LDLRAD3: variants seen among roughly 807,000 people sequenced by gnomAD.
LDLRAD3 encodes the protein low density lipoprotein receptor class A domain containing 3.
Under a neutral mutation model 29.4 loss-of-function variants are expected in LDLRAD3, and 20 were observed. The ratio of observed to expected loss-of-function variants is 0.68; its 90% CI spans 0.48 to 0.99. The LOEUF (loss-of-function observed/expected upper bound fraction) is 0.99, where lower values mean the gene tolerates loss of function less well. Ranked by LOEUF, LDLRAD3 falls within the 50% of genes least tolerant of loss-of-function variation. LDLRAD3 has a pLI of 0.00. For missense variants in LDLRAD3, 420 were observed against 454.3 expected, an observed-to-expected ratio of 0.92 and a Z score of 0.69; for synonymous variants, 157 against 192.7, an observed-to-expected ratio of 0.81 and a Z score of 1.53.
intron 1 of LDLRAD3, among the ~76,000 whole-genome samples, chr11:35,947,907 C>T (rs929003240): frequency 1.6e-4 from 25 of 152,318 alleles, no homozygotes; most frequent in African/African-American, 5.8e-4. Context: ...TTTGTGGTCA[C>T]TGCCCAGGAT....
chr11:36,044,636 C>T (rs946553387), intron 2 of LDLRAD3, among the ~76,000 whole-genome samples: 10 of 152,252 alleles, frequency 6.6e-5, no homozygotes, highest in Non-Finnish European at 1.0e-4. Context: ...GTCTTGGACA[C>T]ACATTCATGA....
intron 1 of LDLRAD3, among the ~76,000 whole-genome samples, chr11:35,991,179 C>T (rs1362768476): frequency 6.6e-6 from 1 of 152,186 alleles, no homozygotes; most frequent in Non-Finnish European, 1.5e-5. Flanking sequence ...TAAGAGCCCC[C>T]ATGCATCTCA....
At chr11:36,199,634 A>G (rs1855093194) in intron 4 of LDLRAD3, among the ~76,000 whole-genome samples, 1 of 152,086 alleles carries the variant, frequency 6.6e-6, no homozygotes, top group South Asian at 2.1e-4. Flanking sequence ...TTCCAGGTGG[A>G]TTGACAGCCG....
rs539140690 is a variant in LDLRAD3 at position 36,069,252 on chromosome 11, G to T, written c.194-12401G>T. On this transcript the variant is annotated intron_variant, in intron 2 of 5. Transcript: ENST00000315571. Reference sequence around the variant, plus strand: ...GGGACCACAATAAAGGAGCTCCCCCGTTTAGCCCCCAGATTTCCTGGAGAA... The same window carrying T: ...GGGACCACAATAAAGGAGCTCCCCCTTTTAGCCCCCAGATTTCCTGGAGAA... 3.9e-5 allele frequency among the ~76,000 whole-genome samples: 6 copies of T among 152,246 alleles called. No individual in the cohort carries two copies. In the South Asian group the frequency reaches 1.2e-3, roughly 32 times the overall value.
rs185145877 is a variant in LDLRAD3 at position 36,191,500 on chromosome 11, G to A, written c.455-35585G>A. Among the ~76,000 whole-genome samples the A allele has an allele frequency of 4.7e-3, 697 of 148,572 alleles. 11 individuals are homozygous for A. The highest frequency in any genetic ancestry group is 0.016 in the African/African-American group (660 of 40,148). On this transcript the variant is annotated intron_variant, in intron 4 of 5. Coordinates refer to ENST00000315571, the MANE Select transcript of LDLRAD3 (RefSeq NM_174902.4). ...TGAGGCTGTGGTGAGCTATGAGCGC[G>A]CCACTGCACTCTAGCCTGGGTGACA...
intron 4 of LDLRAD3, among the ~76,000 whole-genome samples, chr11:36,134,014 C>T (rs1038085003): frequency 3.3e-5 from 5 of 152,026 alleles, no homozygotes; most frequent in African/African-American, 1.2e-4. Context: ...CATACACACA[C>T]ATGCATGCAT....
At chr11:35,992,427 A>G (rs1851702314) in intron 1 of LDLRAD3, among the ~76,000 whole-genome samples, 1 of 152,228 alleles carries the variant, frequency 6.6e-6, no homozygotes, top group Non-Finnish European at 1.5e-5. Flanking sequence ...TAATAGCCTG[A>G]AAGTGGCAAC....
chr11:36,062,465 A>G (rs961670908), intron 2 of LDLRAD3, among the ~76,000 whole-genome samples: 4 of 152,164 alleles, frequency 2.6e-5, no homozygotes, highest in South Asian at 2.1e-4. Flanking sequence ...GCCAAGGAAG[A>G]AGCCTTTAAT....
Position 36,074,760 on chromosome 11 carries a change from G to A in LDLRAD3, c.194-6893G>A, listed in dbSNP as rs545700812. ...GAACCAGACTGGCTGATCAAGGACCGTGTGTCAGAAGCTTGAACCTGTCTG... is the reference window on the plus strand; with the variant it reads ...GAACCAGACTGGCTGATCAAGGACCATGTGTCAGAAGCTTGAACCTGTCTG... On this transcript the variant is annotated intron_variant, in intron 2 of 5. Coordinates refer to ENST00000315571, the MANE Select transcript of LDLRAD3 (RefSeq NM_174902.4). 5.3e-5 allele frequency among the ~76,000 whole-genome samples: 8 copies of A among 152,262 alleles called. No homozygotes were observed. The East Asian group carries it at 7.7e-4, about 15-fold the overall frequency.
chr11:36,085,679 A>G (rs556150269), intron 3 of LDLRAD3, among the ~76,000 whole-genome samples: 1 of 152,104 alleles, frequency 6.6e-6, no homozygotes, highest in Admixed American at 6.5e-5. Flanking sequence ...TGGTGCGATC[A>G]TGGCTCACTG....
intron 1 of LDLRAD3, among the ~76,000 whole-genome samples, chr11:35,998,591 A>G (rs1247550368): frequency 6.6e-6 from 1 of 152,214 alleles, no homozygotes; most frequent in African/African-American, 2.4e-5. Flanking sequence ...AGTATCCTGG[A>G]TTCACTTGGA....
At chr11:36,073,487 G>A (rs1852941912) in intron 2 of LDLRAD3, among the ~76,000 whole-genome samples, 1 of 152,258 alleles carries the variant, frequency 6.6e-6, no homozygotes, top group Non-Finnish European at 1.5e-5. Context: ...TAGGGGGTGA[G>A]AGAGGGACAG....
At chr11:36,123,689 G>A (rs1853793310) in intron 4 of LDLRAD3, among the ~76,000 whole-genome samples, 1 of 152,252 alleles carries the variant, frequency 6.6e-6, no homozygotes, top group African/African-American at 2.4e-5. Flanking sequence ...GGGGGAGTAG[G>A]CCCTAGCCAC....
chr11:36,027,289 C>A (rs144817097), intron 1 of LDLRAD3, among the ~76,000 whole-genome samples: 1 of 152,166 alleles, frequency 6.6e-6, no homozygotes, highest in African/African-American at 2.4e-5. Context: ...GTTTCCTCAT[C>A]GGTGAAAGTA....
chr11:36,134,463 G>A (rs141062415), intron 4 of LDLRAD3, among the ~76,000 whole-genome samples: 1 of 152,320 alleles, frequency 6.6e-6, no homozygotes, highest in African/African-American at 2.4e-5. Flanking sequence ...TGCAGCATTT[G>A]CATGTCTGAA....
rs1321261516 is a variant in LDLRAD3 at position 36,143,943 on chromosome 11, C to T, written c.454+45482C>T. ...CTCTCCCCCTCCCCCTCCCCCTCCC[C>T]CTCCCTCTCTTGCCACGGTCTCCCT... On this transcript the variant is annotated intron_variant, in intron 4 of 5. Coordinates refer to ENST00000315571, the MANE Select transcript of LDLRAD3 (RefSeq NM_174902.4). 2.7e-3 allele frequency among the ~76,000 whole-genome samples: 343 copies of T among 126,136 alleles called. 2 individuals are homozygous for T. The highest frequency in any genetic ancestry group is 0.011 in the African/African-American group (320 of 30,118). The allele number at this position is 126,136 out of a possible 152,430, so 82.8% of individuals were successfully genotyped here.
At chr11:36,110,059 A>T (rs1853585280) in intron 4 of LDLRAD3, 1 of 152,248 alleles carries the variant, frequency 6.6e-6, no homozygotes, top group African/African-American at 2.4e-5. Flanking sequence ...AAACTGAAGG[A>T]GGCTGGGAGA....
chr11:36,074,201 A>T (rs1852955924), intron 2 of LDLRAD3, among the ~76,000 whole-genome samples: 1 of 152,212 alleles, frequency 6.6e-6, no homozygotes, highest in Admixed American at 6.5e-5. Context: ...ATGGTAAATG[A>T]AAGTATGCAA....
At chr11:36,031,156 CTT>C (rs1474092027) in intron 1 of LDLRAD3, among the ~76,000 whole-genome samples, 2 of 151,716 alleles carry the variant, frequency 1.3e-5, no homozygotes. Context: ...ATGGGCAACT[CTT>C]TTTCATTTTT....
Sources: allele counts gnomAD v4.1 joint callset (sites outside exome capture counted in the v4.1 genomes callset), GRCh38; gene constraint gnomAD v4.1.1; transcripts MANE v1.5; gene names NCBI Gene and HGNC (gene_info 2026-07-23, HGNC 2026-07-21).